Variants in PES1 observed in about 807,000 individuals in gnomAD.
The protein encoded by PES1 is pescadillo homolog.
Under a neutral mutation model 77.1 loss-of-function variants are expected in PES1, and 31 were observed. The observed-to-expected ratio is 0.40, with a 90% CI of 0.30 to 0.54. The LOEUF (loss-of-function observed/expected upper bound fraction) is 0.54, where lower values mean the gene tolerates loss of function less well. Among genes scored for constraint, PES1 ranks in the 20% least tolerant of loss-of-function variants. The pLI, the probability that PES1 is intolerant of heterozygous loss-of-function variation, is 0.45. For synonymous variants in PES1, 282 were observed against 303.0 expected (o/e 0.93, Z 0.72); for missense variants, 658 against 771.7 (o/e 0.85, Z 1.75).
In PES1 at chr22:30,606,949, C is replaced by T; in HGVS notation, c.-858G>A. ...CTGGAACAGCTGGGGGGACAGCAGA[C>T]AGGCACGGTCGGACAGACTTGACAG... is the stretch of plus-strand genomic sequence containing the variant. On this transcript the variant is annotated 5_prime_UTR_variant, in exon 1 of 17. Coordinates refer to the PES1 transcript ENST00000402281. The T allele has an allele frequency of 3.0e-6, 3 of 989,538 alleles. No individual in the cohort carries two copies. In the African/African-American group the frequency reaches 5.1e-5, roughly 17 times the overall value. 61.3% of individuals were successfully genotyped at this position (989,538 alleles called of 1,614,324 possible).
At chr22:30,596,894 G>C (rs373767748), upstream of PES1, among the ~76,000 whole-genome samples, 394 of 152,314 alleles carry the variant, frequency 2.6e-3, 1 homozygote, top group African/African-American at 8.9e-3. Flanking sequence ...GGCTGTGCGC[G>C]GCGCTTGCGG....
chr22:30,600,336 G>A (rs563032699), intron 2 of PES1, among the ~76,000 whole-genome samples: 5 of 152,064 alleles, frequency 3.3e-5, no homozygotes, highest in Admixed American at 1.3e-4. Flanking sequence ...CAGACTTCAG[G>A]GGGTAGGTTT....
chr22:30,599,721 G>A (rs938138882), intron 2 of PES1, among the ~76,000 whole-genome samples: 1 of 151,890 alleles, frequency 6.6e-6, no homozygotes, highest in Non-Finnish European at 1.5e-5. Flanking sequence ...CCAACATGGA[G>A]AAACCCCGTC....
chr22:30,580,035 G>A lies in PES1; in HGVS notation c.1169+18C>T. On this transcript the variant is annotated intron_variant, in intron 11 of 14. Coordinates refer to ENST00000354694, the MANE Select transcript of PES1 (RefSeq NM_014303.4). ...ACAGGATACCCAGAAATCCGGACGAGGACCCTTGAGGGCCTACCTGCCAAT... is the reference window on the plus strand; with the variant it reads ...ACAGGATACCCAGAAATCCGGACGAAGACCCTTGAGGGCCTACCTGCCAAT... 1 of 1,613,112 alleles carries A rather than the reference G, an allele frequency of 6.2e-7. No individual in the cohort carries two copies. The highest frequency in any genetic ancestry group is 8.5e-7 in the Non-Finnish European group (1 of 1,179,500).
At chr22:30,598,045 G>C (rs1011714003) in intron 2 of PES1, among the ~76,000 whole-genome samples, 6 of 152,074 alleles carry the variant, frequency 3.9e-5, no homozygotes, top group Non-Finnish European at 5.9e-5. Context: ...CACTACGCCC[G>C]GCTAGTTTTT....
upstream of PES1, among the ~76,000 whole-genome samples, chr22:30,593,165 A>C (rs1368301312): frequency 6.6e-6 from 1 of 152,132 alleles, no homozygotes; most frequent in African/African-American, 2.4e-5. Flanking sequence ...TTAAAGCTAA[A>C]ATTTAAAACC....
intron 10 of PES1, 144 bp downstream of exon 10, chr22:30,580,427 G>T: frequency 1.7e-6 from 2 of 1,192,658 alleles, no homozygotes; most frequent in Non-Finnish European, 2.4e-6. Context: ...TATGTGCTCA[G>T]TGCGGTGCCG....
Position 30,589,282 on chromosome 22 carries a change from A to G in PES1, c.25-12T>C, listed in dbSNP as rs1362452869. 4 of 1,607,982 alleles carry G rather than the reference A, an allele frequency of 2.5e-6. No individual in the cohort carries two copies. Among genetic ancestry groups the G allele is most frequent in the Middle Eastern group, 3.3e-4 (2 of 6,014 alleles). ...GAGCCTCGTTCATACTGGGAGAGGA[A>G]AAAAACAATTCTCCATTAGCAATGA... is the stretch of plus-strand genomic sequence containing the variant. On this transcript the variant is annotated splice_polypyrimidine_tract_variant and intron_variant, in intron 1 of 14. Transcript: ENST00000354694.
intron 14 of PES1, among the ~76,000 whole-genome samples, chr22:30,577,552 G>A (rs976597042): frequency 6.6e-6 from 1 of 152,200 alleles, no homozygotes; most frequent in African/African-American, 2.4e-5. Flanking sequence ...TCAGCCTGGA[G>A]CACAGTGGCA....
chr22:30,598,141 A>G (rs1355931893), intron 2 of PES1, among the ~76,000 whole-genome samples: 2 of 152,228 alleles, frequency 1.3e-5, no homozygotes, highest in Non-Finnish European at 2.9e-5. Flanking sequence ...ACTGTTTGCA[A>G]TAACTCTTAC....
Position 30,579,018 on chromosome 22 carries a change from G to A in PES1, c.1522-20C>T, listed in dbSNP as rs1310322546. The A allele has an allele frequency of 6.2e-7, 1 of 1,606,910 alleles. No individual in the cohort carries two copies. Among genetic ancestry groups the A allele is most frequent in the East Asian group, 2.2e-5 (1 of 44,854 alleles). On this transcript the variant is annotated intron_variant, in intron 13 of 14. Transcript: ENST00000354694. ...GGGCTTCTGGGGACACAAGGAGGGT[G>A]CTTATGGGGGCAGGTTCTCCCGACC... is the stretch of plus-strand genomic sequence containing the variant.
At chr22:30,585,234 A>C (rs2087061876) in intron 4 of PES1, 1 of 471,026 alleles carries the variant, frequency 2.1e-6, no homozygotes, top group Admixed American at 2.4e-5. Flanking sequence ...CATCCCTTGG[A>C]CATGTCTAGT....
intron 2 of PES1, among the ~76,000 whole-genome samples, chr22:30,604,557 C>T (rs749987579): frequency 4.0e-5 from 6 of 151,706 alleles, no homozygotes; most frequent in Non-Finnish European, 7.4e-5. Context: ...CGCTTGAACC[C>T]GGGAGGAGGG....
upstream of PES1, chr22:30,592,159 C>A: frequency 8.8e-7 from 1 of 1,141,604 alleles, no homozygotes; most frequent in Non-Finnish European, 1.1e-6. Context: ...GACTGTGAGC[C>A]TCGTTGCATG....
Position 30,606,833 on chromosome 22 carries a change from G to A in PES1, c.-742C>T, listed in dbSNP as rs940381834. 4 of 1,004,738 alleles carry A rather than the reference G, an allele frequency of 4.0e-6. No individual in the cohort carries two copies. In the South Asian group the frequency reaches 1.3e-4, roughly 32 times the overall value. 62.2% of individuals were successfully genotyped at this position (1,004,738 alleles called of 1,614,324 possible). On this transcript the variant is annotated 5_prime_UTR_variant, in exon 1 of 17. Transcript: ENST00000402281. ...CGTGACCACTGCAGCTGCAGCTCCCGTTCCACTCCTTGTCCTGGGCTAGGT... is the reference window on the plus strand; with the variant it reads ...CGTGACCACTGCAGCTGCAGCTCCCATTCCACTCCTTGTCCTGGGCTAGGT...
intron 2 of PES1, among the ~76,000 whole-genome samples, chr22:30,598,885 ATTTTTTTTTTTTTT>A (rs71200084): frequency 9.8e-5 from 5 of 51,220 alleles, no homozygotes; most frequent in Middle Eastern, 0.023. Flanking sequence ...CTTAAGTAAA[ATTTTTTTTTTTTTT>A]TTTTTTTTTT....
intron 1 of PES1, chr22:30,606,539 C>G (rs1339890906): frequency 6.6e-6 from 1 of 152,430 alleles, no homozygotes; most frequent in Non-Finnish European, 1.5e-5. Context: ...GTGTGAGCCA[C>G]CGTGCCCGGA....
intron 2 of PES1, among the ~76,000 whole-genome samples, chr22:30,599,124 T>C (rs1029725661): frequency 6.6e-6 from 1 of 152,000 alleles, no homozygotes; most frequent in African/African-American, 2.4e-5. Context: ...GGGCTCAAAC[T>C]CCTGACAAGT....
intron 2 of PES1, among the ~76,000 whole-genome samples, chr22:30,600,733 G>A (rs1054621863): frequency 1.3e-5 from 2 of 152,136 alleles, no homozygotes; most frequent in Non-Finnish European, 1.5e-5. Flanking sequence ...GGAGAATGGC[G>A]TGAACCCGGA....
Sources: allele counts gnomAD v4.1 joint callset (sites outside exome capture counted in the v4.1 genomes callset), GRCh38; gene constraint gnomAD v4.1.1; transcripts MANE v1.5; gene names NCBI Gene and HGNC (gene_info 2026-07-23, HGNC 2026-07-21).